The following ZNF546 variants were observed in gnomAD, a reference collection of about 807,000 sequenced individuals.
ZNF546 encodes zinc finger protein 546.
In ZNF546, 60 loss-of-function variants were observed where a neutral mutation model predicts 76.2. That is an observed-to-expected ratio of 0.79 (90% CI 0.64 to 0.98). ZNF546 has a LOEUF of 0.98. Among genes scored for constraint, ZNF546 ranks in the 50% least tolerant of loss-of-function variants. The pLI is 0.00. For missense variants in ZNF546, 936 were observed against 1,035.6 expected, an observed-to-expected ratio of 0.90 and a Z score of 1.32; for synonymous variants, 277 against 328.1, an observed-to-expected ratio of 0.84 and a Z score of 1.68.
At chr19:40,005,944 A>T in intron 3 of ZNF546, 152 bp from the exon 4 acceptor site, 1 of 703,180 alleles carries the variant, frequency 1.4e-6, no homozygotes, top group Non-Finnish European at 2.5e-6. Flanking sequence ...ACACCACCCC[A>T]GCCTTGATAT....
In ZNF546 at chr19:40,015,779, T is replaced by TAA. The variant is rs1187718635; in HGVS notation, c.2511_*1dup. ...TAGTGAGGAAGTCCTATGCATAATGTAAAGAGAATACGATGGCCTTTAGAA... is the reference window on the plus strand; with the variant it reads ...TAGTGAGGAAGTCCTATGCATAATGTAAAAAGAGAATACGATGGCCTTTAGAA... ...HISEEVLCIM[*] Residue 837 remains the stop codon, a frameshift_variant and stop_retained_variant, in exon 7 of 7, where the codon TAA becomes TAAAA. Transcript: ENST00000347077. LOFTEE classifies it high-confidence loss of function. 4 of 1,612,008 alleles carry TAA rather than the reference T, an allele frequency of 2.5e-6. No individual in the cohort carries two copies. Among genetic ancestry groups the TAA allele is most frequent in the Non-Finnish European group, 3.4e-6 (4 of 1,178,968 alleles).
Position 40,006,085 on chromosome 19 carries a change from C to A in ZNF546, c.85-11C>A. 7 of 1,613,202 alleles carry A rather than the reference C, an allele frequency of 4.3e-6. No homozygotes were observed. The highest frequency in any genetic ancestry group is 4.0e-5 in the African/African-American group (3 of 75,012). ...ACATCTGGTCTCAGAGTCACTTGTT[C>A]TTCCCCCCAGCCCCGGTTTCTCTGG... On this transcript the variant is annotated splice_polypyrimidine_tract_variant and intron_variant, in intron 3 of 6. Coordinates refer to ENST00000347077, the MANE Select transcript of ZNF546 (RefSeq NM_178544.5).
At chr19:40,000,723 C>A (rs889915931) in intron 3 of ZNF546, among the ~76,000 whole-genome samples, 2 of 151,876 alleles carry the variant, frequency 1.3e-5, no homozygotes, top group Non-Finnish European at 2.9e-5. Context: ...AAGATTGAAC[C>A]TCATATTAAA....
intron 4 of ZNF546, 67 bp downstream of exon 4, chr19:40,006,249 T>C (rs1971600850): frequency 7.1e-7 from 1 of 1,411,032 alleles, no homozygotes; most frequent in Non-Finnish European, 1.0e-6. Context: ...GAAGTCTCGT[T>C]ATCTTGAGAC....
At chr19:39,997,756 A>G (rs1228305400) in intron 1 of ZNF546, 105 bp from the exon 2 acceptor site, 1 of 154,706 alleles carries the variant, frequency 6.5e-6, no homozygotes, top group Admixed American at 6.4e-5. Flanking sequence ...AGGTCAGCAC[A>G]GATGTGGCGC....
At chr19:40,010,191 TCAG>T (rs1971654310) in intron 6 of ZNF546, among the ~76,000 whole-genome samples, 1 of 152,024 alleles carries the variant, frequency 6.6e-6, no homozygotes, top group Non-Finnish European at 1.5e-5. Context: ...TCACTGGAGG[TCAG>T]GAGTTCAAGA....
chr19:40,008,660 C>A (rs964147575), intron 6 of ZNF546, 95 bp downstream of exon 6: 1 of 872,530 alleles, frequency 1.1e-6, no homozygotes, highest in East Asian at 2.5e-5. Flanking sequence ...TGGAAAGCTC[C>A]CTTCAAAGGC....
chr19:40,007,331 C>T lies in ZNF546; in HGVS notation c.229C>T (p.Leu77=), dbSNP rs1360123004. ...IDLSQEEWEC[L]DAVQRDLYKD... ...CCTCTCCCAAGAGGAGTGGGAGTGC[C>T]TGGACGCTGTGCAGAGGGACTTGTA... Residue 77 remains leucine (L), a synonymous_variant, in exon 5 of 7, where the codon CTG becomes TTG. Transcript: ENST00000347077. The T allele has an allele frequency of 3.1e-6, 5 of 1,607,022 alleles. No individual in the cohort carries two copies. The highest frequency in any genetic ancestry group is 4.3e-6 in the Non-Finnish European group (5 of 1,175,874).
intron 3 of ZNF546, among the ~76,000 whole-genome samples, chr19:39,999,371 C>T (rs1158676649): frequency 6.6e-6 from 1 of 152,160 alleles, no homozygotes; most frequent in African/African-American, 2.4e-5. Context: ...TGTTTGCATA[C>T]ATGTCAAACC....
intron 3 of ZNF546, among the ~76,000 whole-genome samples, chr19:40,001,739 G>T (rs1332407674): frequency 6.6e-6 from 1 of 152,090 alleles, no homozygotes; most frequent in Non-Finnish European, 1.5e-5. Context: ...CATCTTCAAG[G>T]CTCAGCTCTG....
At chr19:40,006,884 A>G (rs1413659176) in intron 4 of ZNF546, among the ~76,000 whole-genome samples, 1 of 152,222 alleles carries the variant, frequency 6.6e-6, no homozygotes, top group Admixed American at 6.5e-5. Context: ...ATCATGATGA[A>G]CCAGAGTTTT....
intron 3 of ZNF546, among the ~76,000 whole-genome samples, chr19:40,003,609 A>G (rs1971558185): frequency 1.3e-5 from 2 of 152,220 alleles, no homozygotes; most frequent in Non-Finnish European, 2.9e-5. Context: ...ACCAGCATTC[A>G]TATGTATAAG....
In ZNF546 at chr19:40,006,175, T is replaced by A. The variant is rs1971599929; in HGVS notation, c.164T>A (p.Met55Lys). 6.2e-7 allele frequency: 1 copy of A among 1,612,996 alleles called. No individual in the cohort carries two copies. Among genetic ancestry groups the A allele is most frequent in the Admixed American group, 1.7e-5 (1 of 59,804 alleles). ...ACAAGTTCTTGTGGTTCTAAAACCATGGCCAATGTAAGTTTGTGTTTTTCT... is the reference window on the plus strand; with the variant it reads ...ACAAGTTCTTGTGGTTCTAAAACCAAGGCCAATGTAAGTTTGTGTTTTTCT... ...ELTSSCGSKTMANVSLAFRDV... is the reference protein window; with the variant it reads ...ELTSSCGSKTKANVSLAFRDV... The change falls in exon 4 of 7, where the codon ATG (methionine) becomes AAG (lysine). Residue 55 changes from methionine (M) to lysine (K), a missense_variant. Met to Lys is a moderately conservative substitution (Grantham distance 95). Transcript: ENST00000347077.
rs751322034 is a variant in ZNF546 at position 39,998,273 on chromosome 19, C to T, written c.-54C>T. The T allele has an allele frequency of 2.2e-6, 3 of 1,377,658 alleles. No homozygotes were observed. Among genetic ancestry groups the T allele is most frequent in the Non-Finnish European group, 3.1e-6 (3 of 977,788 alleles). 85.3% of individuals were successfully genotyped at this position (1,377,658 alleles called of 1,614,324 possible). A position where few individuals can be genotyped will look rare whatever the true frequency, so the allele number is the denominator to read the frequency against. On this transcript the variant is annotated 5_prime_UTR_variant, in exon 3 of 7. Transcript: ENST00000347077. ...GAAATGGAAACATTGCTTTGCTTTT[C>T]CTGAATTGTCCAGTGACCTATCCCA...
At chr19:40,007,946 C>A (rs1971624966) in intron 5 of ZNF546, among the ~76,000 whole-genome samples, 1 of 152,130 alleles carries the variant, frequency 6.6e-6, no homozygotes, top group East Asian at 1.9e-4. Flanking sequence ...GAGGAAGAAC[C>A]TGGAAATATT....
Position 40,019,087 on chromosome 19 carries a change from G to A in ZNF546, c.*3306G>A, listed in dbSNP as rs567834787. 3 of 151,980 alleles carry A rather than the reference G, an allele frequency of 2.0e-5. No homozygotes were observed. The highest frequency in any genetic ancestry group is 2.1e-4 in the South Asian group (1 of 4,796). 9.4% of individuals were successfully genotyped at this position (151,980 alleles called of 1,614,324 possible). A position where few individuals can be genotyped will look rare whatever the true frequency, so the allele number is the denominator to read the frequency against. On this transcript the variant is annotated 3_prime_UTR_variant, in exon 7 of 7. Coordinates refer to ENST00000347077, the MANE Select transcript of ZNF546 (RefSeq NM_178544.5). ...CTGTAGAGTAGTACTTTGGCATTTCGGAAATTTAAAATCTCCAATAATATA... is the reference window on the plus strand; with the variant it reads ...CTGTAGAGTAGTACTTTGGCATTTCAGAAATTTAAAATCTCCAATAATATA...
chr19:40,003,289 G>A (rs1449811379), intron 3 of ZNF546, among the ~76,000 whole-genome samples: 4 of 151,606 alleles, frequency 2.6e-5, no homozygotes, highest in South Asian at 2.1e-4. Flanking sequence ...TGCCTGCCTC[G>A]GCCTCCCAAA....
chr19:40,001,492 G>T (rs1971529419), intron 3 of ZNF546, among the ~76,000 whole-genome samples: 1 of 151,808 alleles, frequency 6.6e-6, no homozygotes, highest in Admixed American at 6.6e-5. Context: ...CTCCAGAGTA[G>T]CTGGGATTAC....
rs1168919699 is a variant in ZNF546 at position 40,015,300 on chromosome 19, A to C, written c.2030A>C (p.His677Pro). 1.1e-5 allele frequency: 17 copies of C among 1,613,870 alleles called. No homozygotes were observed. The highest frequency in any genetic ancestry group is 1.4e-5 in the Non-Finnish European group (16 of 1,179,996). The stretch of plus-strand genomic sequence containing the variant: ...GAATGTGGGAAGACGTTTAGTCGGC[A>C]CTATCATCTTACTCAACATCACAGA... ...CTECGKTFSR[H>P]YHLTQHHRGH... The change falls in exon 7 of 7, where the codon CAC becomes CCC. Residue 677 changes from histidine to proline, a missense_variant. Transcript: ENST00000347077.
Sources: gnomAD v4.1 joint callset for allele counts (sites outside exome capture counted in the v4.1 genomes callset) on GRCh38, gnomAD v4.1.1 for gene constraint, MANE v1.5 for transcripts, NCBI Gene and HGNC (gene_info 2026-07-23, HGNC 2026-07-21) for gene names.